Variants in MCM2 observed in about 807,000 individuals in gnomAD.
MCM2 encodes the protein DNA replication licensing factor MCM2.
A neutral mutation model predicts 86.4 loss-of-function variants in MCM2; 49 were observed. The observed-to-expected ratio is 0.57, with a 90% CI of 0.45 to 0.72. MCM2 has a LOEUF of 0.72. MCM2 is among the 30% of genes least tolerant of loss of function. The pLI is 0.00. For synonymous variants in MCM2, 475 were observed against 484.6 expected, an observed-to-expected ratio of 0.98 and a Z score of 0.26; for missense variants, 1,038 against 1,259.9, an observed-to-expected ratio of 0.82 and a Z score of 2.67.
chr3:127,617,042 G>T lies in MCM2; in HGVS notation c.1697G>T (p.Ser566Ile), dbSNP rs758847732. 5.0e-6 allele frequency: 8 copies of T among 1,614,108 alleles called. No individual in the cohort carries two copies. Among genetic ancestry groups the T allele is most frequent in the Middle Eastern group, 1.6e-4 (1 of 6,084 alleles). Residue 566 changes from serine to isoleucine, a missense_variant, in exon 10 of 16, where the codon AGC becomes ATC. Coordinates refer to ENST00000265056, the MANE Select transcript of MCM2 (RefSeq NM_004526.4). This position sits in a 1 kb window ranked among gnomAD's most constrained non-coding sequence, Gnocchi z 4.1. ...GCGTATGTCCAGCGGCACCCTGTCA[G>T]CAGGGAGTGGACCTTGGAGGCTGGG... ...LTAYVQRHPV[S>I]REWTLEAGAL...
chr3:127,614,575 GAC>G (rs2107693063), intron 8 of MCM2, among the ~76,000 whole-genome samples: 1 of 152,302 alleles, frequency 6.6e-6, no homozygotes, highest in Admixed American at 6.5e-5. Flanking sequence ...GTCCCCATTA[GAC>G]ACACACCTCT....
chr3:127,613,117 A>G (rs2074411209), intron 8 of MCM2, among the ~76,000 whole-genome samples: 1 of 152,196 alleles, frequency 6.6e-6, no homozygotes, highest in Non-Finnish European at 1.5e-5. Context: ...CCCACAGGGA[A>G]GTCCCCCTGG....
chr3:127,607,702 C>T (rs1359407230), intron 6 of MCM2, among the ~76,000 whole-genome samples: 2 of 152,192 alleles, frequency 1.3e-5, no homozygotes, highest in Non-Finnish European at 2.9e-5. Flanking sequence ...AGTAACTTAC[C>T]AGTGCCAGGT....
chr3:127,610,903 G>T (rs766577778), intron 8 of MCM2: 1 of 456,664 alleles, frequency 2.2e-6, no homozygotes, highest in Admixed American at 2.3e-5. Flanking sequence ...GTTTCTCAGC[G>T]TCAGGAAGCC....
chr3:127,602,463 G>A (rs145780860), intron 2 of MCM2, among the ~76,000 whole-genome samples: 1 of 152,296 alleles, frequency 6.6e-6, no homozygotes, highest in African/African-American at 2.4e-5. Flanking sequence ...AGGCAGTATG[G>A]CATGGGGGAA....
At position 127,606,107 on chromosome 3, in the gene MCM2, C is replaced by A; in HGVS notation, c.674-11C>A. 4 of 1,608,116 alleles carry A rather than the reference C, an allele frequency of 2.5e-6. No homozygotes were observed. Among genetic ancestry groups the A allele is most frequent in the Non-Finnish European group, 3.4e-6 (4 of 1,174,624 alleles). ...CTTAGTTAACTCTCTTCCCACTGTG[C>A]CCCCTTCTAGAGAACCGTGAGAGCC... On this transcript the variant is annotated splice_polypyrimidine_tract_variant and intron_variant, in intron 4 of 15. Transcript: ENST00000265056. The surrounding 1 kb of genome is among the most constrained non-coding windows in gnomAD (Gnocchi z 4.2).
At chr3:127,616,069 T>C in intron 9 of MCM2, 114 bp downstream of exon 9, 1 of 859,044 alleles carries the variant, frequency 1.2e-6, no homozygotes, top group Non-Finnish European at 1.9e-6. Flanking sequence ...AAAGAATGCA[T>C]TAAAAGATGG....
chr3:127,613,255 C>T (rs1042270107), intron 8 of MCM2, among the ~76,000 whole-genome samples: 30 of 152,108 alleles, frequency 2.0e-4, no homozygotes, highest in Admixed American at 1.6e-3. Flanking sequence ...AAAAATTATA[C>T]GGGGAAATGA....
rs771601773 is a variant in MCM2, at chr3:127,621,097, C to T, written c.2473C>T (p.Arg825Trp). ...GACTTTTGCCCGCTACCTTTCATTC[C>T]GGCGTGACAACAATGAGCTGTTGCT... ...RKTFARYLSF[R>W]RDNNELLLFI... Residue 825 changes from arginine (R) to tryptophan (W), a missense_variant, in exon 15 of 16, where the codon CGG becomes TGG. Physicochemically the swap from Arg to Trp is moderately radical, Grantham distance 101 (BLOSUM62 -3). Coordinates refer to ENST00000265056, the MANE Select transcript of MCM2 (RefSeq NM_004526.4). 6.7e-5 allele frequency: 108 copies of T among 1,614,108 alleles called. No homozygotes were observed. The highest frequency in any genetic ancestry group is 8.7e-5 in the Non-Finnish European group (103 of 1,180,046).
At position 127,622,101 on chromosome 3, in the gene MCM2, C is replaced by G. The variant is rs2074482658; in HGVS notation, c.*328C>G. The G allele has an allele frequency of 5.0e-6, 1 of 198,316 alleles. No homozygotes were observed. Among genetic ancestry groups the G allele is most frequent in the South Asian group, 1.2e-4 (1 of 8,046 alleles). 12.3% of individuals were successfully genotyped at this position (198,316 alleles called of 1,614,324 possible). ...TGCGTGTGGTTTAGGTGTTAGCCTTCTTACATGGATGTCAGGAGAGCTGCT... is the reference window on the plus strand; with the variant it reads ...TGCGTGTGGTTTAGGTGTTAGCCTTGTTACATGGATGTCAGGAGAGCTGCT... On this transcript the variant is annotated 3_prime_UTR_variant, in exon 16 of 16. Transcript: ENST00000265056.
At chr3:127,612,014 G>T (rs553513170) in intron 8 of MCM2, among the ~76,000 whole-genome samples, 6 of 152,138 alleles carry the variant, frequency 3.9e-5, no homozygotes, top group Admixed American at 6.5e-5. Context: ...CTGACTTTTT[G>T]TATTTGTTTT....
intron 2 of MCM2, among the ~76,000 whole-genome samples, chr3:127,601,037 C>A (rs2107685334): frequency 6.6e-6 from 1 of 152,268 alleles, no homozygotes; most frequent in Middle Eastern, 3.4e-3. Context: ...GTCCCTCCTG[C>A]CTGCTTATAG....
Position 127,606,165 on chromosome 3 carries a change from G to T in MCM2, c.721G>T (p.Glu241Ter). The T allele has an allele frequency of 6.2e-7, 1 of 1,614,198 alleles. No individual in the cohort carries two copies. Residue 241 changes from glutamate to a stop codon, truncating the protein, a stop_gained, in exon 5 of 16, where the codon GAG becomes TAG. Transcript: ENST00000265056. LOFTEE classifies it high-confidence loss of function. The surrounding 1 kb of genome is among the most constrained non-coding windows in gnomAD (Gnocchi z 4.2). ...VVNYEDLAAR[E>*]HVLAYFLPEA... Reference sequence around the variant, plus strand: ...GAACTATGAGGACTTGGCAGCCAGGGAGCACGTGCTGGCCTACTTCCTGCC... The same window carrying T: ...GAACTATGAGGACTTGGCAGCCAGGTAGCACGTGCTGGCCTACTTCCTGCC...
chr3:127,606,907 G>A lies in MCM2; in HGVS notation c.1101+90G>A. On this transcript the variant is annotated intron_variant, in intron 6 of 15. Coordinates refer to ENST00000265056, the MANE Select transcript of MCM2 (RefSeq NM_004526.4). The surrounding 1 kb of genome is among the most constrained non-coding windows in gnomAD (Gnocchi z 4.2). The stretch of plus-strand genomic sequence containing the variant: ...TGGCCTCTCAGGCTGTGGAAGACCA[G>A]TGTGGGCAGCCGCAAGAAGCAAGAT... 1 of 1,305,972 alleles carries A rather than the reference G, an allele frequency of 7.7e-7. No homozygotes were observed. Among genetic ancestry groups the A allele is most frequent in the Non-Finnish European group, 1.1e-6 (1 of 911,370 alleles). 80.9% of individuals were successfully genotyped at this position (1,305,972 alleles called of 1,614,324 possible).
At chr3:127,612,289 C>CCCAACACT (rs1219990581) in intron 8 of MCM2, among the ~76,000 whole-genome samples, 1 of 152,146 alleles carries the variant, frequency 6.6e-6, no homozygotes, top group African/African-American at 2.4e-5. Context: ...CAGGGTCATG[C>CCCAACACT]CCAACACTTA....
At chr3:127,613,252 A>G (rs946615160) in intron 8 of MCM2, among the ~76,000 whole-genome samples, 1 of 152,228 alleles carries the variant, frequency 6.6e-6, no homozygotes, top group Admixed American at 6.5e-5. Flanking sequence ...TACAAAAATT[A>G]TACGGGGAAA....
At chr3:127,599,262 C>T in intron 1 of MCM2, 56 bp from the exon 2 acceptor site, 1 of 1,460,414 alleles carries the variant, frequency 6.8e-7, no homozygotes, top group Non-Finnish European at 9.6e-7. Flanking sequence ...AAAAAGGAAG[C>T]TGTATCATGC....
intron 2 of MCM2, among the ~76,000 whole-genome samples, chr3:127,602,003 A>G (rs1360096430): frequency 6.6e-6 from 1 of 152,112 alleles, no homozygotes; most frequent in Non-Finnish European, 1.5e-5. Flanking sequence ...TCTTTTTACT[A>G]TTGAGTTGTA....
chr3:127,609,470 G>A (rs1052672639), intron 8 of MCM2, among the ~76,000 whole-genome samples: 1 of 152,002 alleles, frequency 6.6e-6, no homozygotes, highest in Non-Finnish European at 1.5e-5. Context: ...CAGAATGGTG[G>A]TGTTTTTTGT....
Sources: allele counts gnomAD v4.1 joint callset (sites outside exome capture counted in the v4.1 genomes callset), GRCh38; gene constraint gnomAD v4.1.1; non-coding constraint Gnocchi (gnomAD v3.1); transcripts MANE v1.5; gene names NCBI Gene and HGNC (gene_info 2026-07-23, HGNC 2026-07-21).